Variants in AHNAK observed in about 807,000 individuals in gnomAD.
AHNAK encodes AHNAK nucleoprotein.
A neutral mutation model predicts 37.8 loss-of-function variants in AHNAK; 23 were observed. The observed-to-expected ratio is 0.61, with a 90% CI of 0.44 to 0.86. The LOEUF is 0.86. Ranked by LOEUF, AHNAK falls within the 40% of genes least tolerant of loss-of-function variation. The pLI is 0.00. For synonymous variants in AHNAK, 2,481 were observed against 2,636.3 expected, an observed-to-expected ratio of 0.94 and a Z score of 1.80; for missense variants, 7,411 against 7,319.4, an observed-to-expected ratio of 1.01 and a Z score of -0.46.
intron 5 of AHNAK, among the ~76,000 whole-genome samples, chr11:62,445,236 C>A (rs1004682222): frequency 2.6e-5 from 4 of 152,130 alleles, no homozygotes; most frequent in Non-Finnish European, 5.9e-5. Context: ...TCAATCAAAC[C>A]AACCAAGCTT....
At chr11:62,489,967 G>C (rs1433895880) in intron 5 of AHNAK, among the ~76,000 whole-genome samples, 1 of 152,004 alleles carries the variant, frequency 6.6e-6, no homozygotes, top group Non-Finnish European at 1.5e-5. Flanking sequence ...ACAGCACCAA[G>C]TGCCCAGAGA....
intron 1 of AHNAK, among the ~76,000 whole-genome samples, chr11:62,536,861 A>G (rs1298519438): frequency 1.3e-5 from 2 of 152,196 alleles, no homozygotes; most frequent in Non-Finnish European, 1.5e-5. Flanking sequence ...AAATGGAGGC[A>G]ATAAAGGAGA....
chr11:62,486,613 C>A (rs965877790), intron 5 of AHNAK, among the ~76,000 whole-genome samples: 1 of 151,976 alleles, frequency 6.6e-6, no homozygotes, highest in Admixed American at 6.6e-5. Flanking sequence ...ATGGCTACAG[C>A]GTTTCAATTG....
chr11:62,521,139 C>T lies in AHNAK; in HGVS notation c.13278G>A (p.Leu4426=). 2 of 1,613,822 alleles carry T rather than the reference C, an allele frequency of 1.2e-6. No homozygotes were observed. Among genetic ancestry groups the T allele is most frequent in the Non-Finnish European group, 1.7e-6 (2 of 1,179,954 alleles). The change falls in exon 5 of 5, where the codon TTG becomes TTA. Residue 4426 remains leucine, a synonymous_variant. Transcript: ENST00000378024. ...TATTGACATCAGGTGTGTCAATGTC[C>T]AAACTGGGGCCTTTTATGTCAATTT... ...GPEIDIKGPS[L]DIDTPDVNIE...
In AHNAK at chr11:62,530,624, G is replaced by C. The variant is rs150191644; in HGVS notation, c.3793C>G (p.Pro1265Ala). 12 of 1,613,138 alleles carry C rather than the reference G, an allele frequency of 7.4e-6. No homozygotes were observed. The highest frequency in any genetic ancestry group is 1.6e-4 in the Middle Eastern group (1 of 6,076). ...PKMKMPKFSM[P>A]GFKGEGREVD... ...TCTCGGCCCTCTCCTTTGAAGCCAG[G>C]CATGCTAAACTTGGGCATTTTCATC... Residue 1265 changes from proline (P) to alanine (A), a missense_variant, in exon 5 of 5, where the codon CCT becomes GCT. Transcript: ENST00000378024.
At position 62,533,593 on chromosome 11, in the gene AHNAK, AC is replaced by A; in HGVS notation, c.823del (p.Val275PhefsTer15). ...AGAAGATGAAATGTCCACTGCTGGA[AC>A]TTGGACCCCTCCTCTGCCACCCAAG... ...LDLGGRGGVQ[V>X]PAVDISSSLG... On this transcript the variant is annotated frameshift_variant, in exon 5 of 5. Transcript: ENST00000378024. LOFTEE classifies it low-confidence loss of function (END_TRUNC). 2 of 1,614,048 alleles carry A rather than the reference AC, an allele frequency of 1.2e-6. No homozygotes were observed. Among genetic ancestry groups the A allele is most frequent in the Non-Finnish European group, 1.7e-6 (2 of 1,179,998 alleles).
chr11:62,535,041 G>C lies in AHNAK; in HGVS notation c.304C>G (p.Arg102Gly). Residue 102 changes from arginine to glycine, a missense_variant, in exon 4 of 5, where the codon CGT becomes GGT. Arg to Gly is a moderately radical substitution (Grantham distance 125). Transcript: ENST00000378024. ...GAGCTGCAGGAGCTGAAGACTTCAC[G>C]GGTCCAGGTCTGGCCAGGCTCGGGA... is the stretch of plus-strand genomic sequence containing the variant. ...RSPEPGQTWT[R>G]EVFSSCSSEV... 1 of 1,613,166 alleles carries C rather than the reference G, an allele frequency of 6.2e-7. No homozygotes were observed. Among genetic ancestry groups the C allele is most frequent in the Non-Finnish European group, 8.5e-7 (1 of 1,179,284 alleles).
intron 5 of AHNAK, among the ~76,000 whole-genome samples, chr11:62,486,642 T>A (rs1939402614): frequency 6.6e-6 from 1 of 152,132 alleles, no homozygotes; most frequent in African/African-American, 2.4e-5. Context: ...GAGAAAGTTC[T>A]GGAGCTGCAC....
chr11:62,504,630 T>C (rs939895814), intron 4 of AHNAK, among the ~76,000 whole-genome samples: 2 of 151,068 alleles, frequency 1.3e-5, no homozygotes, highest in Non-Finnish European at 2.9e-5. Context: ...CCACGCGCCC[T>C]TGAGGAGACC....
chr11:62,451,837 T>A (rs1429778495), intron 5 of AHNAK, among the ~76,000 whole-genome samples: 1 of 149,318 alleles, frequency 6.7e-6, no homozygotes, highest in Non-Finnish European at 1.5e-5. Context: ...GGACAGAGTC[T>A]TGCTCTGTCA....
chr11:62,496,696 G>A (rs1939615616), intron 4 of AHNAK, among the ~76,000 whole-genome samples: 1 of 152,134 alleles, frequency 6.6e-6, no homozygotes, highest in African/African-American at 2.4e-5. Flanking sequence ...TCGGTAGGCT[G>A]AGGCAGGAGA....
intron 5 of AHNAK, among the ~76,000 whole-genome samples, chr11:62,435,975 A>G (rs11825147): frequency 6.6e-6 from 1 of 152,210 alleles, no homozygotes; most frequent in Admixed American, 6.5e-5. Context: ...GTCACTTTTC[A>G]CAGACCAGGA....
intron 5 of AHNAK, among the ~76,000 whole-genome samples, chr11:62,480,552 G>A (rs765052290): frequency 5.3e-5 from 8 of 152,024 alleles, no homozygotes; most frequent in South Asian, 2.1e-4. Flanking sequence ...TCCCAGCTAC[G>A]TGGGAGGTTG....
At chr11:62,514,465 G>A (rs568721122), downstream of AHNAK, among the ~76,000 whole-genome samples, 9 of 152,314 alleles carry the variant, frequency 5.9e-5, 1 homozygote, top group South Asian at 6.2e-4. Context: ...TGGAGTGTGC[G>A]TGTAGCCCAG....
rs1238955434 is a variant in AHNAK, at chr11:62,516,850, G to T, written c.17567C>A (p.Ala5856Asp). 6.2e-7 allele frequency: 1 copy of T among 1,614,088 alleles called. No individual in the cohort carries two copies. The highest frequency in any genetic ancestry group is 2.2e-5 in the East Asian group (1 of 44,876). The change falls in exon 5 of 5, where the codon GCC (alanine) becomes GAC (aspartate). Residue 5856 changes from alanine to aspartate, a missense_variant. Ala to Asp is a moderately radical substitution (Grantham distance 126). Coordinates refer to ENST00000378024, the MANE Select transcript of AHNAK (RefSeq NM_001620.3). ...GKLQGSGVSLASKKSRLSSSS... is the reference protein window; with the variant it reads ...GKLQGSGVSLDSKKSRLSSSS... The stretch of plus-strand genomic sequence containing the variant: ...GGAGGACAGTCGGGACTTCTTAGAG[G>T]CCAGGGACACCCCACTCCCCTGTAA...
chr11:62,454,336 C>T (rs1430514039), intron 5 of AHNAK, among the ~76,000 whole-genome samples: 3 of 150,960 alleles, frequency 2.0e-5, no homozygotes, highest in African/African-American at 7.3e-5. Flanking sequence ...TGGCGTGAAC[C>T]CGGGAGGCGG....
rs143805219 is a variant in AHNAK at position 62,517,167 on chromosome 11, C to G, written c.17250G>C (p.Leu5750=). 75 of 1,613,592 alleles carry G rather than the reference C, an allele frequency of 4.6e-5. No individual in the cohort carries two copies. In the African/African-American group the frequency reaches 8.5e-4, roughly 18 times the overall value. Residue 5750 remains leucine, a synonymous_variant, in exon 5 of 5, where the codon CTG becomes CTC. Transcript: ENST00000378024. ...CCTCTGCCTCTCCTTCCAGAGAGCC[C>G]AGGCTGGCCTTTGAACTTTTCAGGT... ...KGDLKSSKAS[L]GSLEGEAEAE... is the part of the protein sequence containing the mutation.
chr11:62,480,923 G>A (rs1939257853), intron 5 of AHNAK, among the ~76,000 whole-genome samples: 1 of 150,648 alleles, frequency 6.6e-6, no homozygotes, highest in Non-Finnish European at 1.5e-5. Flanking sequence ...CAGGAAAACA[G>A]ACCTCAGTAA....
At position 62,522,165 on chromosome 11, in the gene AHNAK, C is replaced by T; in HGVS notation, c.12252G>A (p.Leu4084=). 1.2e-6 allele frequency: 2 copies of T among 1,613,494 alleles called. No homozygotes were observed. The highest frequency in any genetic ancestry group is 8.5e-7 in the Non-Finnish European group (1 of 1,179,892). Residue 4084 remains leucine (L), a synonymous_variant, in exon 5 of 5, where the codon TTG becomes TTA. Transcript: ENST00000378024. ...KGEGPEVDVN[L]PKADIDVSGP... The stretch of plus-strand genomic sequence containing the variant: ...CTGAGACATCAATGTCAGCTTTGGG[C>T]AAATTAACATCCACTTCTGGGCCCT...
Sources: gnomAD v4.1 joint callset for allele counts (sites outside exome capture counted in the v4.1 genomes callset) on GRCh38, gnomAD v4.1.1 for gene constraint, MANE v1.5 for transcripts, NCBI Gene and HGNC (gene_info 2026-07-23, HGNC 2026-07-21) for gene names.